Variants in PTBP3 observed in about 807,000 individuals in gnomAD.
PTBP3 encodes polypyrimidine tract-binding protein 3.
In PTBP3, 20 loss-of-function variants were observed where a neutral mutation model predicts 58.7. That is an observed-to-expected ratio of 0.34 (90% CI 0.24 to 0.50). The LOEUF is 0.50. PTBP3 is among the 20% of genes least tolerant of loss of function. The pLI, the probability that PTBP3 is intolerant of heterozygous loss-of-function variation, is 0.98. For missense variants in PTBP3, 509 were observed against 637.2 expected (o/e 0.80, Z 2.17); for synonymous variants, 185 against 219.8 (o/e 0.84, Z 1.40).
At chr9:112,292,893 T>C (rs1346217636) in intron 2 of PTBP3, among the ~76,000 whole-genome samples, 6 of 152,138 alleles carry the variant, frequency 3.9e-5, no homozygotes, top group Non-Finnish European at 7.4e-5. Context: ...ATGTACAAGA[T>C]GGTAAATTTT....
At chr9:112,277,377 C>T (rs546977345) in intron 2 of PTBP3, among the ~76,000 whole-genome samples, 1 of 152,258 alleles carries the variant, frequency 6.6e-6, no homozygotes, top group South Asian at 2.1e-4. Flanking sequence ...CCTCCTCTCC[C>T]TTATCAATCA....
chr9:112,379,802 C>G, the PTBP3 span: 1 of 426,902 alleles, frequency 2.3e-6, no homozygotes, highest in South Asian at 2.6e-5. Context: ...CCCCTAGAGA[C>G]AGGGAAAAGG....
At chr9:112,231,286 G>T in intron 10 of PTBP3, 94 bp downstream of exon 10, 1 of 967,800 alleles carries the variant, frequency 1.0e-6, no homozygotes, top group Non-Finnish European at 1.5e-6. Flanking sequence ...CACAATACTT[G>T]GCACACAGAA....
intron 3 of PTBP3, among the ~76,000 whole-genome samples, chr9:112,270,189 C>T (rs1423050316): frequency 6.6e-6 from 1 of 152,108 alleles, no homozygotes; most frequent in Non-Finnish European, 1.5e-5. Context: ...CGATCCACCC[C>T]AGTCGGCCTC....
the PTBP3 span, among the ~76,000 whole-genome samples, chr9:112,363,561 A>ACACACACACAC: frequency 4.5e-4 from 35 of 77,462 alleles, no homozygotes; most frequent in African/African-American, 2.3e-3. Context: ...CACACACACA[A>ACACACACACAC]AGGCTATTCT....
intron 2 of PTBP3, among the ~76,000 whole-genome samples, chr9:112,295,950 G>T (rs1021372139): frequency 6.6e-6 from 1 of 152,170 alleles, no homozygotes; most frequent in African/African-American, 2.4e-5. Context: ...CCTGTGCACA[G>T]CATGCAGCCC....
rs1441721497 is a variant in PTBP3, at chr9:112,220,009, G to C, written c.*3842C>G. On this transcript the variant is annotated 3_prime_UTR_variant, in exon 14 of 14. Transcript: ENST00000374257. ...GTATTTCTTTCAGCACAATAGTAGAGTATTTTGAGTCTGGCAGTTTTGTTC... is the reference window on the plus strand; with the variant it reads ...GTATTTCTTTCAGCACAATAGTAGACTATTTTGAGTCTGGCAGTTTTGTTC... 2.9e-5 allele frequency: 27 copies of C among 921,890 alleles called. No individual in the cohort carries two copies. Among genetic ancestry groups the C allele is most frequent in the Non-Finnish European group, 3.7e-5 (27 of 724,362 alleles). The allele number at this position is 921,890 out of a possible 1,614,324, so 57.1% of individuals were successfully genotyped here.
intron 7 of PTBP3, among the ~76,000 whole-genome samples, chr9:112,249,346 A>C (rs1589821551): frequency 6.6e-6 from 1 of 152,154 alleles, no homozygotes; most frequent in East Asian, 1.9e-4. Flanking sequence ...AGGTATAACA[A>C]ATGTCACTAA....
Position 112,251,058 on chromosome 9 carries a change from T to C in PTBP3, c.673A>G (p.Ile225Val), listed in dbSNP as rs772900839. The C allele has an allele frequency of 1.3e-5, 21 of 1,611,776 alleles. No individual in the cohort carries two copies. Among genetic ancestry groups the C allele is most frequent in the Admixed American group, 1.2e-4 (7 of 59,716 alleles). The change falls in exon 7 of 14, where the codon ATT becomes GTT. Residue 225 changes from isoleucine (I) to valine (V), a missense_variant. By Grantham distance (29) the Ile-to-Val change is conservative (BLOSUM62 3). This residue lies in a region of PTBP3 where 41 missense variants were observed against 78.0 expected (regional missense o/e 0.53). Transcript: ENST00000374257. ...NIYNACCTLR[I>V]DFSKLTSLNV... ...AGGCTGGTGAGCTTGGAGAAGTCAATGCGCAGAGTGCAGCATGCATTATAG... is the reference window on the plus strand; with the variant it reads ...AGGCTGGTGAGCTTGGAGAAGTCAACGCGCAGAGTGCAGCATGCATTATAG...
chr9:112,316,445 A>G (rs1423984203), intron 1 of PTBP3, among the ~76,000 whole-genome samples: 1 of 152,184 alleles, frequency 6.6e-6, no homozygotes, highest in Non-Finnish European at 1.5e-5. Flanking sequence ...AAGGCCCAGG[A>G]GATGACTCCT....
intron 7 of PTBP3, chr9:112,242,971 T>C (rs2132035264): frequency 2.0e-5 from 3 of 152,340 alleles, no homozygotes; most frequent in Middle Eastern, 6.8e-3. Flanking sequence ...ACTTTCCCTT[T>C]CCCTAGTGGA....
chr9:112,374,912 G>A, the PTBP3 span, among the ~76,000 whole-genome samples: 5 of 152,316 alleles, frequency 3.3e-5, no homozygotes, highest in Admixed American at 3.3e-4. Context: ...TCACCATGAG[G>A]AACTGTGCCA....
intron 1 of PTBP3, among the ~76,000 whole-genome samples, chr9:112,305,895 G>A (rs188391461): frequency 2.6e-5 from 4 of 152,164 alleles, no homozygotes; most frequent in South Asian, 2.1e-4. Flanking sequence ...AGCCGAGACC[G>A]CGCCACTGCA....
At chr9:112,340,849 T>C in the PTBP3 span, among the ~76,000 whole-genome samples, 721 of 150,198 alleles carry the variant, frequency 4.8e-3, 13 homozygotes, top group African/African-American at 0.017. Context: ...GCACTCCCGC[T>C]TGGGCAACAA....
the PTBP3 span, among the ~76,000 whole-genome samples, chr9:112,364,974 C>T: frequency 3.7e-3 from 557 of 152,260 alleles, 4 homozygotes; most frequent in African/African-American, 0.013. Flanking sequence ...CCTCTGGCAG[C>T]CACCCTTCTA....
At chr9:112,256,294 C>CATATATATATAT (rs370450580) in intron 5 of PTBP3, among the ~76,000 whole-genome samples, 6 of 58,986 alleles carry the variant, frequency 1.0e-4, no homozygotes, top group South Asian at 4.1e-4. Context: ...TATATATATA[C>CATATATATATAT]ATATATATAT....
chr9:112,295,449 A>G (rs1014780021), intron 2 of PTBP3, among the ~76,000 whole-genome samples: 5 of 151,288 alleles, frequency 3.3e-5, no homozygotes, highest in African/African-American at 1.2e-4. Context: ...CAGTGTACCC[A>G]TGTAGAGATG....
chr9:112,224,317 T>A, intron 12 of PTBP3, 107 bp from the exon 13 acceptor site: 2 of 659,706 alleles, frequency 3.0e-6, no homozygotes, highest in Non-Finnish European at 4.9e-6. Context: ...ACAGAATTAT[T>A]AAGCCATATG....
chr9:112,245,751 G>C (rs7852473), intron 7 of PTBP3, among the ~76,000 whole-genome samples: 86,242 of 152,074 alleles, frequency 0.57, 26,604 homozygotes, highest in African/African-American at 0.83. Flanking sequence ...CCAATTATGA[G>C]GGTGGCATGT....
Sources: gnomAD v4.1 joint callset for allele counts (sites outside exome capture counted in the v4.1 genomes callset) on GRCh38, gnomAD v4.1.1 for gene constraint, gnomAD v4.1.1 regional missense constraint, MANE v1.5 for transcripts, NCBI Gene and HGNC (gene_info 2026-07-23, HGNC 2026-07-21) for gene names.